Variants in SLC22A15 observed in about 807,000 individuals in gnomAD.
SLC22A15 encodes the protein solute carrier family 22 member 15, also known as flipt 1.
Under a neutral mutation model 62.7 loss-of-function variants are expected in SLC22A15, and 45 were observed. The observed-to-expected ratio is 0.72, with a 90% CI of 0.56 to 0.92. The LOEUF (loss-of-function observed/expected upper bound fraction) is 0.92, where lower values mean the gene tolerates loss of function less well. Ranked by LOEUF, SLC22A15 falls within the 40% of genes least tolerant of loss-of-function variation. The pLI is 0.00. For missense variants in SLC22A15, 622 were observed against 665.6 expected, an observed-to-expected ratio of 0.93 and a Z score of 0.72; for synonymous variants, 264 against 267.0, an observed-to-expected ratio of 0.99 and a Z score of 0.11.
intron 2 of SLC22A15, among the ~76,000 whole-genome samples, chr1:116,016,226 G>T (rs1052198719): frequency 1.4e-5 from 2 of 146,972 alleles, no homozygotes; most frequent in African/African-American, 2.5e-5. Flanking sequence ...TTTTGACAGG[G>T]TCTCACTCTG....
At chr1:116,064,239 T>G (rs972806612) in intron 9 of SLC22A15, among the ~76,000 whole-genome samples, 197 bp from the exon 10 acceptor site, 2 of 151,850 alleles carry the variant, frequency 1.3e-5, no homozygotes, top group Admixed American at 1.3e-4. Flanking sequence ...GTCTAGTGGC[T>G]TCCACATTGG....
chr1:115,993,455 G>GTGTGTGTGTGTGTGTC (rs1437794103), intron 2 of SLC22A15, among the ~76,000 whole-genome samples: 3 of 150,912 alleles, frequency 2.0e-5, no homozygotes, highest in Admixed American at 6.6e-5. Flanking sequence ...GTGTGTGTGT[G>GTGTGTGTGTGTGTGTC]TGTCTGTCTG....
chr1:116,033,690 G>A (rs1306964793), intron 6 of SLC22A15, among the ~76,000 whole-genome samples: 2 of 151,980 alleles, frequency 1.3e-5, no homozygotes, highest in Non-Finnish European at 2.9e-5. Flanking sequence ...GCAGGTGTAA[G>A]GGATTTTAAA....
chr1:116,039,818 G>T, intron 8 of SLC22A15, among the ~76,000 whole-genome samples: 1 of 151,768 alleles, frequency 6.6e-6, no homozygotes, highest in African/African-American at 2.4e-5. Context: ...TAAACCTTTT[G>T]TATTTACTCT....
intron 4 of SLC22A15, among the ~76,000 whole-genome samples, chr1:116,021,178 A>G (rs1377375057): frequency 4.6e-5 from 7 of 152,180 alleles, no homozygotes; most frequent in African/African-American, 1.4e-4. Context: ...GACACTAGCA[A>G]ATTTTTACAA....
intron 5 of SLC22A15, among the ~76,000 whole-genome samples, chr1:116,029,143 A>G (rs573708045): frequency 2.4e-4 from 37 of 152,338 alleles, no homozygotes; most frequent in Middle Eastern, 3.4e-3. Context: ...ATGTTGGCAC[A>G]AAAACATTTG....
chr1:116,052,086 C>T (rs1266578752), intron 8 of SLC22A15, among the ~76,000 whole-genome samples: 18 of 152,284 alleles, frequency 1.2e-4, no homozygotes, highest in African/African-American at 2.2e-4. Context: ...ATGCGCGAGC[C>T]GAAGCATGGC....
At chr1:115,978,468 C>T (rs924276) in intron 1 of SLC22A15, among the ~76,000 whole-genome samples, 131,490 of 152,250 alleles carry the variant, frequency 0.86, 57,899 homozygotes, top group East Asian at 1. Context: ...GGTACAAGGA[C>T]CAGGTCTTAG....
At chr1:115,994,017 A>G (rs904718362) in intron 2 of SLC22A15, among the ~76,000 whole-genome samples, 3 of 151,906 alleles carry the variant, frequency 2.0e-5, no homozygotes, top group Non-Finnish European at 2.9e-5. Flanking sequence ...TTCCCAGCCA[A>G]CTCCCCAGGA....
chr1:116,030,707 G>C (rs746366854), intron 5 of SLC22A15, among the ~76,000 whole-genome samples: 18 of 152,146 alleles, frequency 1.2e-4, no homozygotes, highest in Non-Finnish European at 2.4e-4. Context: ...TTAAGGTCTT[G>C]GGGGATCAGG....
rs1201340406 is a variant in SLC22A15 at position 116,068,050 on chromosome 1, TC to T, written c.*943del. 2.6e-5 allele frequency: 4 copies of T among 152,650 alleles called. No individual in the cohort carries two copies. Among genetic ancestry groups the T allele is most frequent in the African/African-American group, 9.6e-5 (4 of 41,466 alleles). 9.5% of individuals were successfully genotyped at this position (152,650 alleles called of 1,614,324 possible). A position where few individuals can be genotyped will look rare whatever the true frequency, so the allele number is the denominator to read the frequency against. Reference sequence around the variant, plus strand: ...TGATAAATTTTTGTTTGTTTTGCTTTCAGCATTGTGCCATGAGGGATTTGGA... The same window carrying T: ...TGATAAATTTTTGTTTGTTTTGCTTTAGCATTGTGCCATGAGGGATTTGGA... On this transcript the variant is annotated 3_prime_UTR_variant, in exon 12 of 12. Transcript: ENST00000369503.
chr1:116,041,009 G>A (rs1220238334), intron 8 of SLC22A15, among the ~76,000 whole-genome samples: 2 of 152,184 alleles, frequency 1.3e-5, no homozygotes, highest in Non-Finnish European at 2.9e-5. Flanking sequence ...TAGTGTGCAG[G>A]CCTGATAGGA....
rs530632563 is a variant in SLC22A15, at chr1:116,000,665, C to T, written c.300+8422C>T. Among the ~76,000 whole-genome samples, 9 of 127,664 alleles carry T rather than the reference C, an allele frequency of 7.0e-5. No homozygotes were observed. In the South Asian group the frequency reaches 2.0e-3, roughly 28 times the overall value. The allele number at this position is 127,664 out of a possible 152,430, so 83.8% of individuals were successfully genotyped here. A position where few individuals can be genotyped will look rare whatever the true frequency, so the allele number is the denominator to read the frequency against. Reference sequence around the variant, plus strand: ...TTTTTTTTTGAGATGGAGTCTCACTCTGTCGCCCAGGCTGGAGTGCAGTGG... The same window carrying T: ...TTTTTTTTTGAGATGGAGTCTCACTTTGTCGCCCAGGCTGGAGTGCAGTGG... On this transcript the variant is annotated intron_variant, in intron 2 of 11. Transcript: ENST00000369503.
intron 3 of SLC22A15, 105 bp downstream of exon 3, chr1:116,019,819 C>T: frequency 8.2e-7 from 1 of 1,220,452 alleles, no homozygotes; most frequent in Admixed American, 2.8e-5. Context: ...CGGGAATTGG[C>T]ATATGGACAC....
At chr1:116,006,405 C>G (rs1570716788) in intron 2 of SLC22A15, among the ~76,000 whole-genome samples, 1 of 152,132 alleles carries the variant, frequency 6.6e-6, no homozygotes, top group Non-Finnish European at 1.5e-5. Context: ...CAGGGAACTA[C>G]TACTCTCAAG....
At position 116,066,581 on chromosome 1, in the gene SLC22A15, T is replaced by C; in HGVS notation, c.1427T>C (p.Leu476Pro). ...VFGATGLTSG[L>P]LSLLLPETLN... ...GGAGCCACGGGTCTGACCTCCGGCC[T>C]CCTGAGTTTGTTATTGCCGGAGACC... is the stretch of plus-strand genomic sequence containing the variant. Residue 476 changes from leucine to proline, a missense_variant, in exon 11 of 12, where the codon CTC becomes CCC. Leu to Pro is a moderately conservative substitution (Grantham distance 98). Coordinates refer to ENST00000369503, the MANE Select transcript of SLC22A15 (RefSeq NM_018420.3). 1 of 1,608,338 alleles carries C rather than the reference T, an allele frequency of 6.2e-7. No homozygotes were observed. Among genetic ancestry groups the C allele is most frequent in the South Asian group, 1.1e-5 (1 of 89,782 alleles).
Position 116,068,506 on chromosome 1 carries a change from G to GT in SLC22A15, c.*1399dup, listed in dbSNP as rs1317805205. ...TGCACACTGACTTCTGGTTTCCACT[G>GT]TATCAGTATGTACCTTTGTAATTGT... On this transcript the variant is annotated 3_prime_UTR_variant, in exon 12 of 12. Coordinates refer to ENST00000369503, the MANE Select transcript of SLC22A15 (RefSeq NM_018420.3). 1.1e-4 allele frequency: 16 copies of GT among 152,360 alleles called. No homozygotes were observed. In the East Asian group the frequency reaches 1.7e-3, roughly 17 times the overall value. The allele number at this position is 152,360 out of a possible 1,614,324, so 9.4% of individuals were successfully genotyped here.
chr1:115,985,076 T>C (rs1475123218), intron 1 of SLC22A15, among the ~76,000 whole-genome samples: 1 of 152,214 alleles, frequency 6.6e-6, no homozygotes, highest in East Asian at 1.9e-4. Flanking sequence ...CAAAGTCTAC[T>C]GTAGTGTCCT....
chr1:115,980,164 G>T (rs1213177547), intron 1 of SLC22A15, among the ~76,000 whole-genome samples: 1 of 152,010 alleles, frequency 6.6e-6, no homozygotes, highest in Non-Finnish European at 1.5e-5. Flanking sequence ...TGGTCATCTG[G>T]GACAGGCATA....
Sources: gnomAD v4.1 joint callset for allele counts (sites outside exome capture counted in the v4.1 genomes callset) on GRCh38, gnomAD v4.1.1 for gene constraint, MANE v1.5 for transcripts, NCBI Gene and HGNC (gene_info 2026-07-23, HGNC 2026-07-21) for gene names.